ADGRV1: variants seen among roughly 807,000 people sequenced by gnomAD.
The protein encoded by ADGRV1 is adhesion G protein-coupled receptor V1.
In ADGRV1, 359 loss-of-function variants were observed where a neutral mutation model predicts 596.2. The ratio of observed to expected loss-of-function variants is 0.60; its 90% confidence interval spans 0.55 to 0.66. ADGRV1 has a LOEUF of 0.66. ADGRV1 is among the 30% of genes least tolerant of loss of function. The pLI, the probability that ADGRV1 is intolerant of heterozygous loss-of-function variation, is 0.00. For missense variants in ADGRV1, 7,274 were observed against 7,575.6 expected, an observed-to-expected ratio of 0.96 and a Z score of 1.48; for synonymous variants, 2,681 against 2,679.2, an observed-to-expected ratio of 1.00 and a Z score of -0.02.
intron 4 of ADGRV1, among the ~76,000 whole-genome samples, 189 bp downstream of exon 4, chr5:90,619,370 A>T (rs1763755614): frequency 6.6e-6 from 1 of 152,158 alleles, no homozygotes. Context: ...TTGTGAATTG[A>T]GGACGCTTGT....
chr5:90,725,457 C>G (rs531204485), intron 47 of ADGRV1, 92 bp from the exon 48 acceptor site: 1 of 794,238 alleles, frequency 1.3e-6, no homozygotes, highest in African/African-American at 1.8e-5. Context: ...TTAAGTCTTG[C>G]ACTTCAGATT....
rs1400541229 is a variant in ADGRV1 at position 90,626,965 on chromosome 5, A to G, written c.673-246A>G. ...GGACCAGTTAAGGCTGAAAGACATT[A>G]TACCTGGACTTCATTACTTGTACTA... On this transcript the variant is annotated intron_variant, in intron 6 of 89. Transcript: ENST00000405460. 2.0e-5 allele frequency among the ~76,000 whole-genome samples: 3 copies of G among 152,194 alleles called. No homozygotes were observed. The East Asian group carries it at 5.8e-4, about 29-fold the overall frequency.
chr5:90,766,327 T>G (rs529310591), intron 59 of ADGRV1, among the ~76,000 whole-genome samples: 114 of 152,272 alleles, frequency 7.5e-4, no homozygotes, highest in African/African-American at 2.7e-3. Context: ...GATGTCTGGA[T>G]ATCATCCCCA....
intron 73 of ADGRV1, among the ~76,000 whole-genome samples, chr5:90,808,860 T>G (rs1762152035): frequency 6.6e-6 from 1 of 151,868 alleles, no homozygotes; most frequent in South Asian, 2.1e-4. Flanking sequence ...CGCGCCACAG[T>G]GCTCCAGCCT....
At chr5:90,592,467 G>T (rs1227457775) in intron 1 of ADGRV1, among the ~76,000 whole-genome samples, 1 of 152,344 alleles carries the variant, frequency 6.6e-6, no homozygotes, top group Non-Finnish European at 1.5e-5. Context: ...TGGTAGGAGG[G>T]TGAGGGATAA....
intron 82 of ADGRV1, among the ~76,000 whole-genome samples, chr5:90,858,259 T>C (rs1007915891): frequency 2.6e-5 from 4 of 152,116 alleles, no homozygotes; most frequent in Non-Finnish European, 4.4e-5. Flanking sequence ...TTGGGAGAAA[T>C]ATAACAAAAT....
chr5:90,886,334 A>G (rs1770281574), intron 83 of ADGRV1, among the ~76,000 whole-genome samples: 1 of 152,164 alleles, frequency 6.6e-6, no homozygotes, highest in Admixed American at 6.6e-5. Flanking sequence ...ACCAACTGCT[A>G]GAGGTTGTCA....
chr5:90,762,099 C>T (rs1044811073), intron 58 of ADGRV1, among the ~76,000 whole-genome samples: 2 of 152,106 alleles, frequency 1.3e-5, no homozygotes, highest in African/African-American at 4.8e-5. Flanking sequence ...TACCAAAGCC[C>T]TGAGAATAGC....
intron 85 of ADGRV1, among the ~76,000 whole-genome samples, chr5:91,032,924 G>T (rs779016379): frequency 6.6e-6 from 1 of 152,008 alleles, no homozygotes; most frequent in Non-Finnish European, 1.5e-5. Context: ...GCATTTCCTG[G>T]CCATTTACTT....
rs553556631 is a variant in ADGRV1 at position 90,888,959 on chromosome 5, C to T, written c.17856+25102C>T. Reference sequence around the variant, plus strand: ...GTGGCTACATCTGGGATATCATTAGCAAGCTAAATGCTGACTATCAAATCT... The same window carrying T: ...GTGGCTACATCTGGGATATCATTAGTAAGCTAAATGCTGACTATCAAATCT... On this transcript the variant is annotated intron_variant, in intron 83 of 89. Coordinates refer to ENST00000405460, the MANE Select transcript of ADGRV1 (RefSeq NM_032119.4). 7.9e-5 allele frequency among the ~76,000 whole-genome samples: 12 copies of T among 152,214 alleles called. No homozygotes were observed. The South Asian group carries it at 2.5e-3, about 32-fold the overall frequency.
intron 1 of ADGRV1, among the ~76,000 whole-genome samples, chr5:90,601,378 A>G (rs1179817669): frequency 6.6e-6 from 1 of 152,230 alleles, no homozygotes; most frequent in Non-Finnish European, 1.5e-5. Flanking sequence ...TAGGAACTCC[A>G]CTTACCAAAC....
chr5:90,964,748 A>G (rs1688835535), intron 83 of ADGRV1, among the ~76,000 whole-genome samples: 1 of 151,258 alleles, frequency 6.6e-6, no homozygotes, highest in South Asian at 2.1e-4. Context: ...AAAAATGCAA[A>G]TTACAAAGCA....
chr5:90,802,609 G>A, intron 70 of ADGRV1, 130 bp from the exon 71 acceptor site: 2 of 713,098 alleles, frequency 2.8e-6, no homozygotes, highest in African/African-American at 1.8e-5. Context: ...TTGTGATGGG[G>A]AAAAGTGCAT....
chr5:91,146,691 T>G (rs1795559592), intron 87 of ADGRV1, among the ~76,000 whole-genome samples: 1 of 152,166 alleles, frequency 6.6e-6, no homozygotes, highest in South Asian at 2.1e-4. Flanking sequence ...AGTTTCAGCA[T>G]TTTCCTAAGA....
intron 1 of ADGRV1, among the ~76,000 whole-genome samples, chr5:90,597,373 C>G (rs191298919): frequency 2.0e-5 from 3 of 152,162 alleles, no homozygotes; most frequent in Admixed American, 1.3e-4. Context: ...TTGTTATAGA[C>G]TTTAGTAAGT....
rs903364286 is a variant in ADGRV1, at chr5:90,711,448, G to A, written c.9042+126G>A. ...CTTAAAAACCATTGTATTTTTCACA[G>A]TAAATTAGGACAGAAGATTTCCTCA... is the stretch of plus-strand genomic sequence containing the variant. On this transcript the variant is annotated intron_variant, in intron 41 of 89. Coordinates refer to ENST00000405460, the MANE Select transcript of ADGRV1 (RefSeq NM_032119.4). The A allele has an allele frequency of 2.5e-5, 17 of 676,580 alleles. No individual in the cohort carries two copies. The African/African-American group carries it at 3.2e-4, about 13-fold the overall frequency. The allele number at this position is 676,580 out of a possible 1,614,324, so 41.9% of individuals were successfully genotyped here.
chr5:90,881,911 G>A (rs926178506), intron 83 of ADGRV1, among the ~76,000 whole-genome samples: 4 of 151,916 alleles, frequency 2.6e-5, no homozygotes, highest in Admixed American at 1.3e-4. Context: ...GTCTTGCTTT[G>A]TTGCTCAAGC....
intron 75 of ADGRV1, among the ~76,000 whole-genome samples, chr5:90,820,881 A>G (rs1015105626): frequency 4.4e-4 from 67 of 151,932 alleles, no homozygotes; most frequent in Admixed American, 7.9e-4. Flanking sequence ...GGTGAATCTG[A>G]CAGTTATGTG....
At chr5:90,761,177 G>C (rs755385848) in intron 58 of ADGRV1, among the ~76,000 whole-genome samples, 59 of 145,334 alleles carry the variant, frequency 4.1e-4, no homozygotes, top group Non-Finnish European at 7.8e-4. Flanking sequence ...TGGACTTCCT[G>C]ATGCTCCAAA....
Sources: gnomAD v4.1 joint callset for allele counts (sites outside exome capture counted in the v4.1 genomes callset) on GRCh38, gnomAD v4.1.1 for gene constraint, MANE v1.5 for transcripts, NCBI Gene and HGNC (gene_info 2026-07-23, HGNC 2026-07-21) for gene names.